SEC14L5: variants seen among roughly 807,000 people sequenced by gnomAD.
SEC14L5 encodes the protein SEC14 like lipid binding 5, also known as SEC14-like protein 5.
Under a neutral mutation model 84.6 loss-of-function variants are expected in SEC14L5, and 96 were observed. That is an observed-to-expected ratio of 1.13 (90% CI 0.96 to 1.34). SEC14L5 has a LOEUF of 1.34. SEC14L5 is among the 40% of genes most tolerant of loss of function. SEC14L5 has a pLI of 0.00. For missense variants in SEC14L5, 1,224 were observed against 942.5 expected (o/e 1.30, Z -3.91); for synonymous variants, 546 against 383.4 (o/e 1.42, Z -4.95).
At chr16:5,007,291 G>T (rs1460000689) in intron 12 of SEC14L5, 61 bp from the exon 13 acceptor site, 1 of 1,546,242 alleles carries the variant, frequency 6.5e-7, no homozygotes, top group East Asian at 2.3e-5. Context: ...ACCCTTCTGT[G>T]GGTCAGGCCA....
chr16:4,961,166 G>T (rs977610771), intron 2 of SEC14L5, among the ~76,000 whole-genome samples: 1 of 151,930 alleles, frequency 6.6e-6, no homozygotes, highest in African/African-American at 2.4e-5. Flanking sequence ...CCATCTACTC[G>T]GGAGGCTGAA....
At position 5,005,301 on chromosome 16, in the gene SEC14L5, C is replaced by A. The variant is rs1025756390; in HGVS notation, c.1303-613C>A. 3.3e-5 allele frequency among the ~76,000 whole-genome samples: 5 copies of A among 151,592 alleles called. No homozygotes were observed. In the Middle Eastern group the frequency reaches 0.01, roughly 309 times the overall value. ...TTGCACTCAAGCCTGGGAGACAGAGCGAGACTCTGTCTCCGAAACAAAAAC... is the reference window on the plus strand; with the variant it reads ...TTGCACTCAAGCCTGGGAGACAGAGAGAGACTCTGTCTCCGAAACAAAAAC... On this transcript the variant is annotated intron_variant, in intron 11 of 15. Coordinates refer to ENST00000251170, the MANE Select transcript of SEC14L5 (RefSeq NM_014692.2).
chr16:5,014,880 A>G lies in SEC14L5; in HGVS notation c.2001A>G (p.Glu667=). The change falls in exon 16 of 16, where the codon GAA becomes GAG. Residue 667 remains glutamate (E), a synonymous_variant. Transcript: ENST00000251170. The stretch of plus-strand genomic sequence containing the variant: ...CCAGGGGCTCCATGTCCAGCCTGGA[A>G]TCCTGCACCAGCGGCTTCTCCCAGC... The part of the protein sequence containing the change: ...EDFRGSMSSL[E]SCTSGFSQLS... 1.2e-6 allele frequency: 2 copies of G among 1,613,662 alleles called. No individual in the cohort carries two copies. Among genetic ancestry groups the G allele is most frequent in the Non-Finnish European group, 1.7e-6 (2 of 1,179,840 alleles).
chr16:4,965,829 C>G (rs1285741140), intron 2 of SEC14L5, among the ~76,000 whole-genome samples: 1 of 151,770 alleles, frequency 6.6e-6, no homozygotes, highest in Non-Finnish European at 1.5e-5. Flanking sequence ...ACTGCTTGAG[C>G]TGAGGAGTTT....
rs564894684 is a variant in SEC14L5, at chr16:4,964,677, C to T, written c.63+5291C>T. On this transcript the variant is annotated intron_variant, in intron 2 of 15. Transcript: ENST00000251170. ...TTCTTCACTCCCGACCTCAGGTGAT[C>T]TTCCTGCTTCGGCCTCCCAAAATGC... is the stretch of plus-strand genomic sequence containing the variant. Among the ~76,000 whole-genome samples the T allele has an allele frequency of 2.6e-5, 4 of 152,214 alleles. No homozygotes were observed. In the East Asian group the frequency reaches 7.8e-4, roughly 29 times the overall value.
intron 2 of SEC14L5, among the ~76,000 whole-genome samples, chr16:4,975,196 A>G (rs1213731172): frequency 2.0e-5 from 3 of 152,062 alleles, no homozygotes; most frequent in Non-Finnish European, 2.9e-5. Flanking sequence ...GCTGCAAAAG[A>G]CATTATTTTG....
rs112894846 is a variant in SEC14L5 at position 4,975,899 on chromosome 16, T to C, written c.64-11658T>C. 5.1e-3 allele frequency among the ~76,000 whole-genome samples: 772 copies of C among 152,230 alleles called. 3 individuals are homozygous for C. The highest frequency in any genetic ancestry group is 6.7e-3 in the Non-Finnish European group (454 of 68,018). On this transcript the variant is annotated intron_variant, in intron 2 of 15. Transcript: ENST00000251170. ...AGAATAGAAAAGGGAAGGGAGAGCA[T>C]TGGGCTGGAAGATGTTGGTGCAGCT... is the stretch of plus-strand genomic sequence containing the variant.
At chr16:4,981,240 A>G (rs1955419949) in intron 2 of SEC14L5, among the ~76,000 whole-genome samples, 1 of 146,462 alleles carries the variant, frequency 6.8e-6, no homozygotes, top group African/African-American at 2.5e-5. Context: ...ATGCACCAGC[A>G]CGTCTAGCTA....
intron 10 of SEC14L5, among the ~76,000 whole-genome samples, chr16:5,003,139 C>G (rs1312398026): frequency 6.6e-6 from 1 of 152,236 alleles, no homozygotes; most frequent in Non-Finnish European, 1.5e-5. Context: ...ACTGTTACTA[C>G]CTTTGCCACT....
In SEC14L5 at chr16:5,003,465, G is replaced by A. The variant is rs749433977; in HGVS notation, c.1194G>A (p.Val398=). The A allele has an allele frequency of 5.6e-6, 9 of 1,613,274 alleles. No homozygotes were observed. The South Asian group carries it at 7.7e-5, about 14-fold the overall frequency. ...TGCGGCACCTGTGGCGGCCGGGGGT[G>A]AAGGCCCTGCTGCGGATGATTGAGG... The part of the protein sequence containing the change: ...LNMRHLWRPG[V]KALLRMIEVV... Residue 398 remains valine, a synonymous_variant, in exon 11 of 16, where the codon GTG becomes GTA. Coordinates refer to ENST00000251170, the MANE Select transcript of SEC14L5 (RefSeq NM_014692.2).
chr16:4,987,885 C>G (rs867578757), intron 3 of SEC14L5, among the ~76,000 whole-genome samples, 179 bp downstream of exon 3: 1 of 151,134 alleles, frequency 6.6e-6, no homozygotes, highest in Non-Finnish European at 1.5e-5. Flanking sequence ...CCAGGAGGGG[C>G]GAGGGCTGGA....
At chr16:4,992,851 C>T (rs562995792) in intron 6 of SEC14L5, among the ~76,000 whole-genome samples, 2 of 152,284 alleles carry the variant, frequency 1.3e-5, no homozygotes, top group African/African-American at 2.4e-5. Context: ...TATACCCACA[C>T]ACATATGTGT....
intron 13 of SEC14L5, among the ~76,000 whole-genome samples, chr16:5,007,731 G>A (rs181962936): frequency 3.5e-4 from 53 of 150,354 alleles, no homozygotes; most frequent in Non-Finnish European, 6.6e-4. Context: ...TCAGCCTCCC[G>A]AGTAGCTGGG....
intron 6 of SEC14L5, among the ~76,000 whole-genome samples, chr16:4,995,359 GC>G (rs1384682317): frequency 1.3e-5 from 2 of 152,118 alleles, no homozygotes; most frequent in Non-Finnish European, 2.9e-5. Context: ...GACTACAACC[GC>G]CCAGTTGTGG....
chr16:5,011,538 G>A (rs1175849779), intron 15 of SEC14L5, among the ~76,000 whole-genome samples: 1 of 152,206 alleles, frequency 6.6e-6, no homozygotes, highest in Non-Finnish European at 1.5e-5. Context: ...GGAGCAGTTG[G>A]AGGGGAGGAG....
In SEC14L5 at chr16:4,962,837, A is replaced by G. The variant is rs562616514; in HGVS notation, c.63+3451A>G. On this transcript the variant is annotated intron_variant, in intron 2 of 15. Coordinates refer to ENST00000251170, the MANE Select transcript of SEC14L5 (RefSeq NM_014692.2). ...GTCCCAAGCCACAGCAACACTGCCAACAAAGCCACTTTGCCGACTGTTTAC... is the reference window on the plus strand; with the variant it reads ...GTCCCAAGCCACAGCAACACTGCCAGCAAAGCCACTTTGCCGACTGTTTAC... Among the ~76,000 whole-genome samples the G allele has an allele frequency of 7.2e-5, 11 of 152,306 alleles. No homozygotes were observed. In the East Asian group the frequency reaches 1.9e-3, roughly 27 times the overall value.
intron 2 of SEC14L5, among the ~76,000 whole-genome samples, chr16:4,978,690 C>A (rs1313035125): frequency 1.3e-5 from 2 of 152,024 alleles, no homozygotes; most frequent in Non-Finnish European, 2.9e-5. Flanking sequence ...GCAAGCTCCG[C>A]CTCCTGGGTT....
At chr16:4,973,136 A>G (rs549885899) in intron 2 of SEC14L5, among the ~76,000 whole-genome samples, 38 of 152,320 alleles carry the variant, frequency 2.5e-4, no homozygotes, top group African/African-American at 8.9e-4. Flanking sequence ...TGAGCCTCAG[A>G]GAGGTTGCTT....
intron 8 of SEC14L5, 87 bp from the exon 9 acceptor site, chr16:5,000,568 A>G (rs1472742395): frequency 1.0e-6 from 1 of 1,004,012 alleles, no homozygotes; most frequent in African/African-American, 1.6e-5. Flanking sequence ...TGAGGAGGTG[A>G]AGCTCTCACC....
Sources: allele counts gnomAD v4.1 joint callset (sites outside exome capture counted in the v4.1 genomes callset), GRCh38; gene constraint gnomAD v4.1.1; transcripts MANE v1.5; gene names NCBI Gene and HGNC (gene_info 2026-07-23, HGNC 2026-07-21).